SHISA6: variants seen among roughly 807,000 people sequenced by gnomAD.
SHISA6 encodes shisa family member 6.
A neutral mutation model predicts 47.9 loss-of-function variants in SHISA6; 22 were observed. The observed-to-expected ratio is 0.46, with a 90% CI of 0.33 to 0.66. SHISA6 has a LOEUF of 0.66. Ranked by LOEUF, SHISA6 falls within the 30% of genes least tolerant of loss-of-function variation. The pLI, the probability that SHISA6 is intolerant of heterozygous loss-of-function variation, is 0.02. For synonymous variants in SHISA6, 388 were observed against 337.8 expected, an observed-to-expected ratio of 1.15 and a Z score of -1.63; for missense variants, 680 against 764.6, an observed-to-expected ratio of 0.89 and a Z score of 1.30.
At chr17:11,428,809 G>A (rs923940838) in intron 3 of SHISA6, among the ~76,000 whole-genome samples, 1 of 128,112 alleles carries the variant, frequency 7.8e-6, no homozygotes, top group Admixed American at 8.5e-5. Context: ...TTTTGAGACA[G>A]AGTTTTGCTC....
intron 2 of SHISA6, among the ~76,000 whole-genome samples, chr17:11,326,248 G>A (rs977985312): frequency 3.6e-4 from 55 of 151,152 alleles, no homozygotes; most frequent in Non-Finnish European, 8.8e-5. Flanking sequence ...TCCAGCCTGG[G>A]CGACAGAGTG....
chr17:11,274,772 C>T (rs890109577), intron 2 of SHISA6, among the ~76,000 whole-genome samples: 4 of 152,150 alleles, frequency 2.6e-5, no homozygotes, highest in South Asian at 2.1e-4. Flanking sequence ...AGCAGAAAGA[C>T]GAGACAATAC....
intron 3 of SHISA6, chr17:11,380,461 A>G (rs1912971885): frequency 6.6e-6 from 1 of 152,210 alleles, no homozygotes; most frequent in Non-Finnish European, 1.5e-5. Flanking sequence ...TATCGAGGAT[A>G]CAGGTGGCAT....
At chr17:11,518,787 G>C (rs1300909334) in intron 3 of SHISA6, among the ~76,000 whole-genome samples, 1 of 152,164 alleles carries the variant, frequency 6.6e-6, no homozygotes, top group Non-Finnish European at 1.5e-5. Flanking sequence ...TGATTCTGAC[G>C]TGCAGCCAAG....
chr17:11,360,485 G>C (rs1335606887), intron 2 of SHISA6, among the ~76,000 whole-genome samples: 1 of 151,802 alleles, frequency 6.6e-6, no homozygotes, highest in East Asian at 1.9e-4. Context: ...GCTTGAACCC[G>C]GGAAGTGGAG....
chr17:11,445,609 A>G (rs1238888049), intron 3 of SHISA6, among the ~76,000 whole-genome samples: 1 of 152,158 alleles, frequency 6.6e-6, no homozygotes, highest in African/African-American at 2.4e-5. Flanking sequence ...TCAGTAAACA[A>G]TGGTTGATCT....
At chr17:11,532,328 CAA>C (rs1236004575) in intron 3 of SHISA6, among the ~76,000 whole-genome samples, 1 of 152,176 alleles carries the variant, frequency 6.6e-6, no homozygotes, top group African/African-American at 2.4e-5. Flanking sequence ...GATGAGGCAG[CAA>C]AGTGTTAACA....
chr17:11,322,154 T>C (rs962639369), intron 2 of SHISA6, among the ~76,000 whole-genome samples: 3 of 152,224 alleles, frequency 2.0e-5, no homozygotes, highest in Non-Finnish European at 4.4e-5. Context: ...ATTATCCTAC[T>C]TATATCCCTT....
At chr17:11,267,982 G>A (rs550990059) in intron 2 of SHISA6, among the ~76,000 whole-genome samples, 29 of 152,232 alleles carry the variant, frequency 1.9e-4, no homozygotes, top group Non-Finnish European at 3.2e-4. Context: ...CTTGCTTTTC[G>A]TAGATGGGGA....
chr17:11,403,394 T>A (rs2142266126), intron 3 of SHISA6, among the ~76,000 whole-genome samples: 1 of 152,328 alleles, frequency 6.6e-6, no homozygotes, highest in Middle Eastern at 3.4e-3. Flanking sequence ...GATTGCTTTG[T>A]TGATGTATTT....
At chr17:11,495,458 G>A (rs769233686) in intron 3 of SHISA6, among the ~76,000 whole-genome samples, 44 of 152,304 alleles carry the variant, frequency 2.9e-4, no homozygotes, top group Non-Finnish European at 5.6e-4. Flanking sequence ...GGAAGAGGAG[G>A]CCAGCCCATG....
chr17:11,298,931 A>T (rs1285731608), intron 2 of SHISA6, among the ~76,000 whole-genome samples: 1 of 152,188 alleles, frequency 6.6e-6, no homozygotes, highest in African/African-American at 2.4e-5. Flanking sequence ...TTGTTCAGGG[A>T]TGGTAGAAAA....
At chr17:11,357,810 A>C (rs1912124813) in intron 2 of SHISA6, among the ~76,000 whole-genome samples, 1 of 152,212 alleles carries the variant, frequency 6.6e-6, no homozygotes, top group South Asian at 2.1e-4. Context: ...ATAGATTGCT[A>C]CAAGTCGAAT....
intron 2 of SHISA6, among the ~76,000 whole-genome samples, chr17:11,375,386 T>C (rs1807474181): frequency 6.6e-6 from 1 of 152,152 alleles, no homozygotes; most frequent in Non-Finnish European, 1.5e-5. Context: ...CATTGGACTC[T>C]CCTTTATCAG....
intron 2 of SHISA6, among the ~76,000 whole-genome samples, chr17:11,304,646 G>A (rs908960420): frequency 2.6e-5 from 4 of 152,130 alleles, no homozygotes; most frequent in Non-Finnish European, 5.9e-5. Context: ...GCACCCTTTA[G>A]GGCTATGCTT....
Position 11,388,828 on chromosome 17 carries a change from A to T in SHISA6, c.895+9319A>T, listed in dbSNP as rs1461770242. Among the ~76,000 whole-genome samples the T allele has an allele frequency of 2.0e-4, 21 of 103,674 alleles. 1 individual carries two copies. Among genetic ancestry groups the T allele is most frequent in the African/African-American group, 8.7e-4 (21 of 24,258 alleles). The allele number at this position is 103,674 out of a possible 152,430, so 68.0% of individuals were successfully genotyped here. A position where few individuals can be genotyped will look rare whatever the true frequency, so the allele number is the denominator to read the frequency against. On this transcript the variant is annotated intron_variant, in intron 3 of 5. Transcript: ENST00000441885. The stretch of plus-strand genomic sequence containing the variant: ...TATATATATATATATATATATATAT[A>T]TATATATATATATTTTAAAAAAGGT...
chr17:11,370,882 C>G (rs1000622136), intron 2 of SHISA6, among the ~76,000 whole-genome samples: 18 of 152,164 alleles, frequency 1.2e-4, no homozygotes, highest in Admixed American at 3.9e-4. Context: ...CTGTGGACAC[C>G]TTGCATTCAC....
intron 3 of SHISA6, among the ~76,000 whole-genome samples, chr17:11,491,448 G>T (rs933996571): frequency 1.3e-5 from 2 of 152,132 alleles, no homozygotes; most frequent in Non-Finnish European, 2.9e-5. Context: ...CTACAAGCGA[G>T]TGTCACCATG....
rs749579629 is a variant in SHISA6 at position 11,249,283 on chromosome 17, C to CGTGT, written c.638+7235_638+7238dup. Among the ~76,000 whole-genome samples the CGTGT allele has an allele frequency of 2.0e-3, 308 of 150,838 alleles. 5 individuals carry two copies. In the East Asian group the frequency reaches 0.047, roughly 23 times the overall value. On this transcript the variant is annotated intron_variant, in intron 1 of 5. Coordinates refer to ENST00000441885, the MANE Select transcript of SHISA6 (RefSeq NM_207386.4). ...CAGAGACCTCCCGCCATCCAGTGGC[C>CGTGT]GTGTGTGTGTGTGTGCGCGTGCGTG...
Sources: allele counts gnomAD v4.1 joint callset (sites outside exome capture counted in the v4.1 genomes callset), GRCh38; gene constraint gnomAD v4.1.1; transcripts MANE v1.5; gene names NCBI Gene and HGNC (gene_info 2026-07-23, HGNC 2026-07-21).